FLVCR1: variants seen among roughly 807,000 people sequenced by gnomAD.
FLVCR1 encodes the protein FLVCR choline and heme transporter 1.
In FLVCR1, 34 loss-of-function variants were observed where a neutral mutation model predicts 53.6. The observed-to-expected ratio is 0.63, with a 90% CI of 0.48 to 0.84. The LOEUF (loss-of-function observed/expected upper bound fraction) is 0.84. Among genes scored for constraint, FLVCR1 ranks in the 40% least tolerant of loss-of-function variants. The pLI, the probability that FLVCR1 is intolerant of heterozygous loss-of-function variation, is 0.00. For synonymous variants in FLVCR1, 300 were observed against 286.3 expected (o/e 1.05, Z -0.48); for missense variants, 677 against 696.7 (o/e 0.97, Z 0.32).
chr1:212,874,526 CTTTT>C (rs61497441), intron 3 of FLVCR1, among the ~76,000 whole-genome samples: 75,131 of 120,500 alleles, frequency 0.62, 22,592 homozygotes, highest in East Asian at 0.92. Context: ...TTCTTTTTTT[CTTTT>C]TTTTTTTTTT....
At chr1:212,869,243 T>C (rs905448831) in intron 2 of FLVCR1, among the ~76,000 whole-genome samples, 9 of 152,206 alleles carry the variant, frequency 5.9e-5, no homozygotes, top group Admixed American at 4.6e-4. Context: ...GTTGTTTTAT[T>C]GGTGCAAATT....
At chr1:212,870,205 T>G (rs189223528) in intron 2 of FLVCR1, 4 of 152,330 alleles carry the variant, frequency 2.6e-5, no homozygotes, top group Admixed American at 2.0e-4. Context: ...ATGAGTTATA[T>G]CTCCTCTTTA....
At chr1:212,878,405 G>C (rs926212466) in intron 3 of FLVCR1, among the ~76,000 whole-genome samples, 5 of 151,652 alleles carry the variant, frequency 3.3e-5, no homozygotes, top group Non-Finnish European at 7.4e-5. Context: ...GGGAGGCTGA[G>C]GCAGGAGAAT....
Position 212,858,494 on chromosome 1 carries a change from C to T in FLVCR1, c.42C>T (p.Pro14=), listed in dbSNP as rs886045923. The T allele has an allele frequency of 3.3e-5, 47 of 1,445,890 alleles. No homozygotes were observed. The highest frequency in any genetic ancestry group is 4.1e-5 in the Non-Finnish European group (45 of 1,103,596). 89.6% of individuals were successfully genotyped at this position (1,445,890 alleles called of 1,614,324 possible). ...ATGAGGAGGGGGCGGCGGTGGCGCCCGGACACCCGCTCGCGAAAGGATACC... is the reference window on the plus strand; with the variant it reads ...ATGAGGAGGGGGCGGCGGTGGCGCCTGGACACCCGCTCGCGAAAGGATACC... ...PDDEEGAAVA[P]GHPLAKGYLP... Residue 14 remains proline, a synonymous_variant, in exon 1 of 10, where the codon CCC becomes CCT. Transcript: ENST00000366971.
At chr1:212,866,358 T>A (rs1664429152) in intron 2 of FLVCR1, among the ~76,000 whole-genome samples, 2 of 152,252 alleles carry the variant, frequency 1.3e-5, no homozygotes, top group Non-Finnish European at 2.9e-5. Context: ...TGACCTCAAA[T>A]GATCTGCCTG....
At chr1:212,895,122 T>A in intron 9 of FLVCR1, 69 bp downstream of exon 9, 1 of 1,366,690 alleles carries the variant, frequency 7.3e-7, no homozygotes, top group South Asian at 1.2e-5. Context: ...CATATTTTTT[T>A]ATTTAGCTAT....
chr1:212,861,237 A>G (rs957771717), intron 1 of FLVCR1, among the ~76,000 whole-genome samples: 21 of 152,196 alleles, frequency 1.4e-4, no homozygotes, highest in African/African-American at 5.1e-4. Context: ...ATAGTTTCTC[A>G]CAAGGTCGTG....
chr1:212,858,284 T>G lies in FLVCR1; in HGVS notation c.-169T>G. On this transcript the variant is annotated 5_prime_UTR_variant, in exon 1 of 10. Coordinates refer to ENST00000366971, the MANE Select transcript of FLVCR1 (RefSeq NM_014053.4). ...CGCGGCGCGGGGGAGGAGACCTTCA[T>G]CTGTTCACGCGGTAGCGCGGATTGC... is the stretch of plus-strand genomic sequence containing the variant. The G allele has an allele frequency of 1.5e-6, 1 of 649,396 alleles. No individual in the cohort carries two copies. The highest frequency in any genetic ancestry group is 2.4e-6 in the Non-Finnish European group (1 of 409,682). 40.2% of individuals were successfully genotyped at this position (649,396 alleles called of 1,614,324 possible).
rs756477406 is a variant in FLVCR1 at position 212,858,750 on chromosome 1, C to A, written c.298C>A (p.Leu100Ile). Residue 100 changes from leucine to isoleucine, a missense_variant, in exon 1 of 10, where the codon CTT becomes ATT. Leu to Ile is a conservative substitution (Grantham distance 5, BLOSUM62 2). Transcript: ENST00000366971. Reference sequence around the variant, plus strand: ...GGGGGCCGAGAGCAGCCCGCTGCCCCTTACGGCGCTCTCCCCGCGGCGCTT... The same window carrying A: ...GGGGGCCGAGAGCAGCCCGCTGCCCATTACGGCGCTCTCCCCGCGGCGCTT... ...TPGAESSPLPLTALSPRRFVV... is the reference protein window; with the variant it reads ...TPGAESSPLPITALSPRRFVV... The A allele has an allele frequency of 3.7e-6, 6 of 1,613,276 alleles. No homozygotes were observed. Among genetic ancestry groups the A allele is most frequent in the Non-Finnish European group, 5.1e-6 (6 of 1,179,882 alleles).
At chr1:212,873,322 AAAAG>A (rs1572016205) in intron 3 of FLVCR1, among the ~76,000 whole-genome samples, 3 of 150,664 alleles carry the variant, frequency 2.0e-5, no homozygotes, top group South Asian at 4.2e-4. Flanking sequence ...AAAAAAAAAT[AAAAG>A]AAAGAAAAGA....
At chr1:212,891,172 G>T (rs896458224) in intron 8 of FLVCR1, among the ~76,000 whole-genome samples, 10 of 152,118 alleles carry the variant, frequency 6.6e-5, no homozygotes, top group African/African-American at 2.4e-4. Context: ...ACTTTGGGAG[G>T]CTGATACAGG....
intron 2 of FLVCR1, among the ~76,000 whole-genome samples, chr1:212,870,492 G>A (rs188674429): frequency 7.2e-5 from 11 of 152,130 alleles, no homozygotes; most frequent in Non-Finnish European, 1.3e-4. Context: ...GATTCATTGA[G>A]CCTTGGGTAG....
chr1:212,875,963 T>A (rs1384303511), intron 3 of FLVCR1, among the ~76,000 whole-genome samples: 2 of 151,432 alleles, frequency 1.3e-5, no homozygotes, highest in African/African-American at 2.4e-5. Flanking sequence ...CTTGGCTCAC[T>A]GCAACCTCCA....
Position 212,899,171 on chromosome 1 carries a change from C to T in FLVCR1, c.*3881C>T, listed in dbSNP as rs1014046685. The T allele has an allele frequency of 2.6e-5, 4 of 152,112 alleles. No individual in the cohort carries two copies. The highest frequency in any genetic ancestry group is 9.7e-5 in the African/African-American group (4 of 41,428). 9.4% of individuals were successfully genotyped at this position (152,112 alleles called of 1,614,324 possible). On this transcript the variant is annotated 3_prime_UTR_variant, in exon 10 of 10. Transcript: ENST00000366971. ...ACAAATGTCACAAATACAGCTCTTG[C>T]CTTTTGAGAATGTTGGAGAGATGTC...
chr1:212,863,929 T>G (rs1373214440), intron 2 of FLVCR1, 60 bp downstream of exon 2: 1 of 1,428,486 alleles, frequency 7.0e-7, no homozygotes, highest in Non-Finnish European at 9.8e-7. Context: ...TGAGAATAAC[T>G]AACTCTGGAA....
chr1:212,884,298 T>TA (rs896612810), intron 4 of FLVCR1, among the ~76,000 whole-genome samples: 19 of 147,448 alleles, frequency 1.3e-4, no homozygotes, highest in South Asian at 2.1e-4. Context: ...AATCCCCATT[T>TA]AAAAAAAAAA....
At chr1:212,868,492 C>T (rs1384092901) in intron 2 of FLVCR1, among the ~76,000 whole-genome samples, 1 of 152,226 alleles carries the variant, frequency 6.6e-6, no homozygotes, top group Non-Finnish European at 1.5e-5. Context: ...CCGCTCACCG[C>T]AACCTCTGCC....
intron 8 of FLVCR1, among the ~76,000 whole-genome samples, chr1:212,894,761 T>A (rs1421716909): frequency 6.6e-6 from 1 of 152,244 alleles, no homozygotes; most frequent in Admixed American, 6.5e-5. Flanking sequence ...TTTTCATTTT[T>A]GTATCATTGG....
chr1:212,867,174 G>A (rs150165539), intron 2 of FLVCR1, among the ~76,000 whole-genome samples: 187 of 152,302 alleles, frequency 1.2e-3, no homozygotes, highest in Middle Eastern at 3.4e-3. Context: ...TTTTCTCAAA[G>A]GTTCATGCCA....
Sources: gnomAD v4.1 joint callset for allele counts (sites outside exome capture counted in the v4.1 genomes callset) on GRCh38, gnomAD v4.1.1 for gene constraint, MANE v1.5 for transcripts, NCBI Gene and HGNC (gene_info 2026-07-23, HGNC 2026-07-21) for gene names.